PRTFDC1: variants seen among roughly 807,000 people sequenced by gnomAD.
PRTFDC1 encodes the protein phosphoribosyltransferase domain-containing protein 1.
PRTFDC1 carries 38 observed loss-of-function variants against 34.6 expected under a neutral mutation model. That is an observed-to-expected ratio of 1.10 (90% CI 0.85 to 1.44). The LOEUF (loss-of-function observed/expected upper bound fraction) is 1.44. PRTFDC1 is among the 40% of genes most tolerant of loss of function. The probability of loss-of-function intolerance (pLI) is 0.00; values close to 1 mark genes in which losing one functional copy is unlikely to be tolerated. For synonymous variants in PRTFDC1, 93 were observed against 98.1 expected (o/e 0.95, Z 0.31); for missense variants, 270 against 283.0 (o/e 0.95, Z 0.33).
chr10:24,946,607 T>G (rs761829263), intron 1 of PRTFDC1, among the ~76,000 whole-genome samples: 20 of 152,168 alleles, frequency 1.3e-4, no homozygotes, highest in Non-Finnish European at 2.5e-4. Context: ...TTAAATTCTC[T>G]TAGTGTATTC....
intron 3 of PRTFDC1, among the ~76,000 whole-genome samples, chr10:24,905,970 T>G (rs1462513147): frequency 6.6e-6 from 1 of 152,170 alleles, no homozygotes; most frequent in Non-Finnish European, 1.5e-5. Context: ...GTTTTAATTT[T>G]TAGCTCCCAC....
At chr10:24,908,731 C>A in intron 3 of PRTFDC1, 1 of 1,528,602 alleles carries the variant, frequency 6.5e-7, no homozygotes, top group Non-Finnish European at 8.8e-7. Flanking sequence ...AAGGAGACAC[C>A]TACCTAGCCA....
chr10:24,851,507 T>C, intron 7 of PRTFDC1, 43 bp from the exon 8 acceptor site: 1 of 1,584,858 alleles, frequency 6.3e-7, no homozygotes, highest in Non-Finnish European at 8.5e-7. Context: ...GAACAAAATT[T>C]AGATTATATA....
intron 3 of PRTFDC1, among the ~76,000 whole-genome samples, chr10:24,879,769 G>A (rs1761569399): frequency 1.3e-5 from 2 of 152,156 alleles, no homozygotes; most frequent in African/African-American, 4.8e-5. Flanking sequence ...TTATCAAATG[G>A]CAAGGACTGC....
At chr10:24,942,505 T>C (rs1386076008) in intron 1 of PRTFDC1, 69 bp from the exon 2 acceptor site, 3 of 1,269,870 alleles carry the variant, frequency 2.4e-6, no homozygotes, top group African/African-American at 2.9e-5. Flanking sequence ...AACAAAAGAG[T>C]ATCACTTGAG....
chr10:24,874,172 C>T (rs1344017446), intron 3 of PRTFDC1, among the ~76,000 whole-genome samples: 2 of 152,008 alleles, frequency 1.3e-5, no homozygotes, highest in Non-Finnish European at 2.9e-5. Flanking sequence ...CACACTAGCT[C>T]ATCCTGAAAG....
chr10:24,940,668 C>A (rs189569890), intron 2 of PRTFDC1, among the ~76,000 whole-genome samples: 1 of 152,132 alleles, frequency 6.6e-6, no homozygotes, highest in African/African-American at 2.4e-5. Context: ...TACCAGAAAA[C>A]CCAGAATTCC....
intron 6 of PRTFDC1, among the ~76,000 whole-genome samples, chr10:24,856,113 CAAAAAAAAAA>C (rs56982921): frequency 2.4e-5 from 1 of 41,100 alleles, no homozygotes; most frequent in Non-Finnish European, 4.0e-5. Flanking sequence ...GACTCCGTCT[CAAAAAAAAAA>C]AAAAAAAAAA....
rs11014278 is a variant in PRTFDC1, at chr10:24,877,262, T to C, written c.340-5199A>G. On this transcript the variant is annotated intron_variant, in intron 3 of 8. Coordinates refer to ENST00000320152, the MANE Select transcript of PRTFDC1 (RefSeq NM_020200.7). ...TTTGGTCAAGCTGGTCTCAAACAAC[T>C]GGGCTACAGTGATCCTCCTGCCTCA... Among the ~76,000 whole-genome samples, 99 of 152,272 alleles carry C rather than the reference T, an allele frequency of 6.5e-4. 3 individuals carry two copies. In the East Asian group the frequency reaches 0.018, roughly 27 times the overall value.
chr10:24,873,973 T>G (rs1456294513), intron 3 of PRTFDC1, among the ~76,000 whole-genome samples: 1 of 149,890 alleles, frequency 6.7e-6, no homozygotes, highest in Non-Finnish European at 1.5e-5. Context: ...AGTGGTGCAA[T>G]CATAGTTCAC....
intron 3 of PRTFDC1, among the ~76,000 whole-genome samples, chr10:24,907,836 T>C (rs1227243394): frequency 6.6e-6 from 1 of 152,250 alleles, no homozygotes; most frequent in African/African-American, 2.4e-5. Flanking sequence ...TTCTTTTACT[T>C]TCTGTCCTTT....
intron 3 of PRTFDC1, among the ~76,000 whole-genome samples, chr10:24,928,703 C>A (rs1189109154): frequency 6.6e-6 from 1 of 151,862 alleles, no homozygotes; most frequent in Non-Finnish European, 1.5e-5. Flanking sequence ...CTCGGCCTCC[C>A]AAAGTGCTGG....
At chr10:24,898,386 C>G (rs1401940391) in intron 3 of PRTFDC1, among the ~76,000 whole-genome samples, 2 of 148,954 alleles carry the variant, frequency 1.3e-5, no homozygotes, top group Non-Finnish European at 3.0e-5. Flanking sequence ...ATCAATTGAG[C>G]CTGGGAGGTC....
At chr10:24,937,451 C>T (rs989602036) in intron 2 of PRTFDC1, 84 bp from the exon 3 acceptor site, 47 of 1,233,448 alleles carry the variant, frequency 3.8e-5, no homozygotes, top group Admixed American at 7.8e-5. Context: ...ATGTATTGTA[C>T]GTATTCGATT....
chr10:24,915,812 C>G (rs1483645902), intron 3 of PRTFDC1, among the ~76,000 whole-genome samples: 1 of 152,194 alleles, frequency 6.6e-6, no homozygotes, highest in Non-Finnish European at 1.5e-5. Context: ...GTGGGAAGCT[C>G]CAGGTATCAG....
intron 4 of PRTFDC1, among the ~76,000 whole-genome samples, chr10:24,870,396 C>T (rs757008857): frequency 6.6e-6 from 1 of 152,160 alleles, no homozygotes; most frequent in Non-Finnish European, 1.5e-5. Flanking sequence ...GCATGAGCCA[C>T]CATGCCCAGC....
intron 3 of PRTFDC1, among the ~76,000 whole-genome samples, chr10:24,896,624 A>T (rs1038160784): frequency 1.3e-5 from 2 of 152,242 alleles, no homozygotes; most frequent in African/African-American, 4.8e-5. Context: ...ATTTGGAGGC[A>T]CTTCAGAGGA....
At position 24,855,381 on chromosome 10, in the gene PRTFDC1, C is replaced by T. The variant is rs769944097; in HGVS notation, c.507-17G>A. On this transcript the variant is annotated splice_polypyrimidine_tract_variant and intron_variant, in intron 6 of 8. Coordinates refer to ENST00000320152, the MANE Select transcript of PRTFDC1 (RefSeq NM_020200.7). ...ACCAACAAACTACCATTAAAAAAGA[C>T]ATGCTTTAGTGAACCCAATCAAATC... 9.9e-6 allele frequency: 16 copies of T among 1,613,658 alleles called. No individual in the cohort carries two copies. The South Asian group carries it at 1.3e-4, about 13-fold the overall frequency.
intron 3 of PRTFDC1, among the ~76,000 whole-genome samples, chr10:24,875,468 T>C (rs189796474): frequency 6.6e-6 from 1 of 152,296 alleles, no homozygotes; most frequent in African/African-American, 2.4e-5. Flanking sequence ...GTTCAGCTTT[T>C]TTATATTACA....
Sources: allele counts gnomAD v4.1 joint callset (sites outside exome capture counted in the v4.1 genomes callset), GRCh38; gene constraint gnomAD v4.1.1; transcripts MANE v1.5; gene names NCBI Gene and HGNC (gene_info 2026-07-23, HGNC 2026-07-21).